The following TF variants were observed in gnomAD, a reference collection of about 807,000 sequenced individuals.
TF encodes the protein serotransferrin.
In TF, 55 loss-of-function variants were observed where a neutral mutation model predicts 82.4. The ratio of observed to expected loss-of-function variants is 0.67; its 90% CI spans 0.54 to 0.84. The LOEUF (loss-of-function observed/expected upper bound fraction) is 0.84, where lower values mean the gene tolerates loss of function less well. Ranked by LOEUF, TF falls within the 40% of genes least tolerant of loss-of-function variation. The probability of loss-of-function intolerance (pLI) is 0.00; values close to 1 mark genes in which losing one functional copy is unlikely to be tolerated. For synonymous variants in TF, 332 were observed against 332.6 expected (o/e 1.00, Z 0.02); for missense variants, 737 against 868.4 (o/e 0.85, Z 1.90).
chr3:133,742,358 A>G (rs1244301092), upstream of TF, among the ~76,000 whole-genome samples: 1 of 151,786 alleles, frequency 6.6e-6, no homozygotes, highest in East Asian at 1.9e-4. Context: ...ATTTTTGCAG[A>G]CTCCCCTGTG....
At position 133,789,901 on chromosome 3, in the gene TF, T is replaced by G. The variant is rs1209773867; in HGVS notation, c.*11281T>G. ...TGCGTTTTTTTTTTTTTTTTTTTTT[T>G]TTTTTTTGACAAATGAGCATAATTT... On this transcript the variant is annotated 3_prime_UTR_variant, in exon 17 of 17. Coordinates refer to ENST00000402696, the MANE Select transcript of TF (RefSeq NM_001063.4). The G allele has an allele frequency of 1.5e-3, 129 of 87,610 alleles. 1 individual carries two copies. Among genetic ancestry groups the G allele is most frequent in the African/African-American group, 4.2e-3 (124 of 29,432 alleles). 5.4% of individuals were successfully genotyped at this position (87,610 alleles called of 1,614,324 possible).
At chr3:133,744,935 G>A (rs577914622), upstream of TF, among the ~76,000 whole-genome samples, 2 of 152,330 alleles carry the variant, frequency 1.3e-5, no homozygotes, top group Admixed American at 6.5e-5. Context: ...CCTTTCAGGT[G>A]TCCTAAGGGA....
rs8177190 is a variant in TF, at chr3:133,748,852, C to T, written c.216+268C>T. On this transcript the variant is annotated intron_variant, in intron 2 of 16. Coordinates refer to ENST00000402696, the MANE Select transcript of TF (RefSeq NM_001063.4). ...GAGACCCTAGGTTCTCTGAACTTGGCGAAAATATAAGAATGCCTGCTATCA... is the reference window on the plus strand; with the variant it reads ...GAGACCCTAGGTTCTCTGAACTTGGTGAAAATATAAGAATGCCTGCTATCA... 0.087 allele frequency among the ~76,000 whole-genome samples: 13,201 copies of T among 151,916 alleles called. 719 individuals carry two copies. The highest frequency in any genetic ancestry group is 0.12 in the Non-Finnish European group (7,839 of 67,932).
chr3:133,739,933 C>G, the TF span, among the ~76,000 whole-genome samples: 422 of 152,302 alleles, frequency 2.8e-3, 1 homozygote, highest in Non-Finnish European at 4.6e-3. Context: ...GGCAATTCCT[C>G]AAGGATCTAG....
Position 133,783,608 on chromosome 3 carries a change from C to T in TF, c.*4988C>T, listed in dbSNP as rs1934569058. On this transcript the variant is annotated 3_prime_UTR_variant, in exon 17 of 17. Coordinates refer to ENST00000402696, the MANE Select transcript of TF (RefSeq NM_001063.4). ...TCAGATCATATAAAATTCAGAAGTCCTGTAAGACAAAAATAGACAAATAAA... is the reference window on the plus strand; with the variant it reads ...TCAGATCATATAAAATTCAGAAGTCTTGTAAGACAAAAATAGACAAATAAA... The T allele has an allele frequency of 6.6e-6, 1 of 152,122 alleles. No homozygotes were observed. Among genetic ancestry groups the T allele is most frequent in the African/African-American group, 2.4e-5 (1 of 41,416 alleles). The allele number at this position is 152,122 out of a possible 1,614,324, so 9.4% of individuals were successfully genotyped here.
the TF span, among the ~76,000 whole-genome samples, chr3:133,733,751 A>G: frequency 6.6e-6 from 1 of 152,218 alleles, no homozygotes; most frequent in East Asian, 1.9e-4. Flanking sequence ...TCTGCACACA[A>G]TCCTATCTGC....
At position 133,748,494 on chromosome 3, in the gene TF, C is replaced by T. The variant is rs770585501; in HGVS notation, c.126C>T (p.Arg42=). The T allele has an allele frequency of 5.0e-6, 8 of 1,614,118 alleles. No homozygotes were observed. The highest frequency in any genetic ancestry group is 1.1e-5 in the South Asian group (1 of 91,078). Residue 42 remains arginine, a synonymous_variant, in exon 2 of 17, where the codon CGC becomes CGT. Transcript: ENST00000402696. ...AGGCCACTAAGTGCCAGAGTTTCCG[C>T]GACCATATGAAAAGCGTCATTCCAT... The part of the protein sequence containing the change: ...EHEATKCQSF[R]DHMKSVIPSD...
chr3:133,664,479 C>T, the TF span, among the ~76,000 whole-genome samples: 1 of 152,120 alleles, frequency 6.6e-6, no homozygotes, highest in Non-Finnish European at 1.5e-5. Flanking sequence ...TCTGCCATCG[C>T]ACCCGGCTAA....
intron 12 of TF, among the ~76,000 whole-genome samples, chr3:133,767,576 C>A (rs571913650): frequency 6.6e-6 from 1 of 152,288 alleles, no homozygotes; most frequent in Non-Finnish European, 1.5e-5. Context: ...CTTTTATGGC[C>A]ACAGGAGAGC....
the TF span, among the ~76,000 whole-genome samples, chr3:133,735,205 G>A: frequency 1.3e-5 from 2 of 152,008 alleles, no homozygotes; most frequent in South Asian, 4.1e-4. Flanking sequence ...GCCAGGCGTG[G>A]TGGCAGGTGC....
chr3:133,686,849 A>C, the TF span, among the ~76,000 whole-genome samples: 1 of 152,258 alleles, frequency 6.6e-6, no homozygotes, highest in Non-Finnish European at 1.5e-5. Flanking sequence ...TACTGGGTAT[A>C]TACCCAAAGG....
At chr3:133,723,797 T>C in the TF span, among the ~76,000 whole-genome samples, 75 of 151,998 alleles carry the variant, frequency 4.9e-4, no homozygotes, top group Middle Eastern at 3.4e-3. Context: ...CCTAATGCTA[T>C]CCCTCCCCCT....
At position 133,787,880 on chromosome 3, in the gene TF, C is replaced by T. The variant is rs1430254825; in HGVS notation, c.*9260C>T. 1.3e-5 allele frequency: 2 copies of T among 152,164 alleles called. No individual in the cohort carries two copies. Among genetic ancestry groups the T allele is most frequent in the Non-Finnish European group, 2.9e-5 (2 of 68,032 alleles). The allele number at this position is 152,164 out of a possible 1,614,324, so 9.4% of individuals were successfully genotyped here. A position where few individuals can be genotyped will look rare whatever the true frequency, so the allele number is the denominator to read the frequency against. On this transcript the variant is annotated 3_prime_UTR_variant, in exon 17 of 17. Coordinates refer to ENST00000402696, the MANE Select transcript of TF (RefSeq NM_001063.4). The stretch of plus-strand genomic sequence containing the variant: ...AAATAGTAAAGTAACACATTTTGTA[C>T]ACTTTGTGTTAACGTTTATAAAAAG...
the TF span, among the ~76,000 whole-genome samples, chr3:133,686,947 A>C: frequency 6.6e-6 from 1 of 152,336 alleles, no homozygotes; most frequent in African/African-American, 2.4e-5. Context: ...AACCAACCCA[A>C]ATGTCCATCA....
the TF span, among the ~76,000 whole-genome samples, chr3:133,707,190 T>TCACACACACACACACACA: frequency 4.1e-5 from 6 of 144,720 alleles, no homozygotes; most frequent in East Asian, 2.1e-4. Flanking sequence ...AACCTCAGAG[T>TCACACACACACACACACA]CACACACACA....
chr3:133,729,326 C>A, the TF span, among the ~76,000 whole-genome samples: 1 of 152,236 alleles, frequency 6.6e-6, no homozygotes, highest in African/African-American at 2.4e-5. Context: ...TTGAGCTTCC[C>A]AGCTGCTTTG....
the TF span, among the ~76,000 whole-genome samples, chr3:133,678,550 G>A: frequency 5.8e-4 from 88 of 152,082 alleles, no homozygotes; most frequent in Middle Eastern, 3.4e-3. Context: ...AATTATTGCC[G>A]TTCTAACTGG....
intron 11 of TF, 44 bp from the exon 12 acceptor site, chr3:133,766,234 C>G: frequency 2.5e-6 from 4 of 1,586,626 alleles, no homozygotes; most frequent in Non-Finnish European, 2.6e-6. Flanking sequence ...ACTCTGGAAG[C>G]CCCAGAGGTG....
chr3:133,778,644 CA>C lies in TF; in HGVS notation c.*26del. The C allele has an allele frequency of 6.2e-7, 1 of 1,612,932 alleles. No individual in the cohort carries two copies. The highest frequency in any genetic ancestry group is 8.5e-7 in the Non-Finnish European group (1 of 1,179,320). On this transcript the variant is annotated 3_prime_UTR_variant, in exon 17 of 17. Transcript: ENST00000402696. ...AAAATCTCAGAGGTAGGGCTGCCACCAAGGTGAAGATGGGAACGCAGATGAT... is the reference window on the plus strand; with the variant it reads ...AAAATCTCAGAGGTAGGGCTGCCACCAGGTGAAGATGGGAACGCAGATGAT...
Sources: allele counts gnomAD v4.1 joint callset (sites outside exome capture counted in the v4.1 genomes callset), GRCh38; gene constraint gnomAD v4.1.1; transcripts MANE v1.5; gene names NCBI Gene and HGNC (gene_info 2026-07-23, HGNC 2026-07-21).